WDFY2: variants seen among roughly 807,000 people sequenced by gnomAD.
The protein encoded by WDFY2 is WD repeat and FYVE domain containing 2.
In WDFY2, 36 loss-of-function variants were observed where a neutral mutation model predicts 56.4. The ratio of observed to expected loss-of-function variants is 0.64; its 90% CI spans 0.49 to 0.84. The LOEUF (loss-of-function observed/expected upper bound fraction) is 0.84, where lower values mean the gene tolerates loss of function less well. WDFY2 is among the 40% of genes least tolerant of loss of function. The pLI, the probability that WDFY2 is intolerant of heterozygous loss-of-function variation, is 0.00. For synonymous variants in WDFY2, 176 were observed against 183.7 expected (o/e 0.96, Z 0.34); for missense variants, 444 against 512.2 (o/e 0.87, Z 1.29).
rs59739988 is a variant in WDFY2, at chr13:51,704,597, C to T, written c.334+947C>T. 9.3e-3 allele frequency among the ~76,000 whole-genome samples: 1,420 copies of T among 152,292 alleles called. 27 individuals are homozygous for T. The highest frequency in any genetic ancestry group is 0.032 in the African/African-American group (1,319 of 41,572). ...TGACAATCTTTCAGTTATTTTAAAA[C>T]AGCAGTGAAAGTTTCTGCCCCTTCC... is the stretch of plus-strand genomic sequence containing the variant. On this transcript the variant is annotated intron_variant, in intron 4 of 11. Coordinates refer to ENST00000298125, the MANE Select transcript of WDFY2 (RefSeq NM_052950.4).
intron 3 of WDFY2, among the ~76,000 whole-genome samples, chr13:51,696,122 C>T (rs866152049): frequency 3.0e-4 from 46 of 152,326 alleles, no homozygotes; most frequent in Admixed American, 1.3e-3. Flanking sequence ...TGACCCCTTG[C>T]GCTTCCCGAG....
chr13:51,723,308 CTCCTTGAT>C (rs1450752281), intron 5 of WDFY2, among the ~76,000 whole-genome samples: 1 of 152,170 alleles, frequency 6.6e-6, no homozygotes, highest in Non-Finnish European at 1.5e-5. Flanking sequence ...ACTCTTTGAT[CTCCTTGAT>C]ATTGTTGAAT....
At chr13:51,678,274 G>C (rs1191763217) in intron 3 of WDFY2, among the ~76,000 whole-genome samples, 1 of 152,138 alleles carries the variant, frequency 6.6e-6, no homozygotes. Context: ...TGAAGAGTTG[G>C]CCAGTCCTTT....
intron 4 of WDFY2, among the ~76,000 whole-genome samples, chr13:51,709,638 C>T (rs1350080931): frequency 6.6e-6 from 1 of 152,166 alleles, no homozygotes; most frequent in East Asian, 1.9e-4. Context: ...AAACTACCAT[C>T]AGAGAATACT....
At chr13:51,688,677 G>C (rs927492948) in intron 3 of WDFY2, among the ~76,000 whole-genome samples, 2 of 152,102 alleles carry the variant, frequency 1.3e-5, no homozygotes, top group African/African-American at 4.8e-5. Context: ...TCTTTCACCA[G>C]CAGCTTTCCT....
At chr13:51,653,970 C>T (rs1237337014) in intron 1 of WDFY2, among the ~76,000 whole-genome samples, 2 of 152,220 alleles carry the variant, frequency 1.3e-5, no homozygotes, top group Non-Finnish European at 2.9e-5. Flanking sequence ...GAGGTTTCTG[C>T]TGCCTTTTGT....
chr13:51,636,279 G>A (rs749743394), intron 1 of WDFY2, among the ~76,000 whole-genome samples: 1 of 152,090 alleles, frequency 6.6e-6, no homozygotes, highest in South Asian at 2.1e-4. Flanking sequence ...TTGTAAACAC[G>A]CTTCAGACTA....
intron 4 of WDFY2, among the ~76,000 whole-genome samples, chr13:51,709,240 A>G (rs1003305671): frequency 6.6e-6 from 1 of 152,224 alleles, no homozygotes; most frequent in African/African-American, 2.4e-5. Context: ...GTGGAGAAAT[A>G]TTTATCAAGA....
chr13:51,724,150 C>T (rs1407561400), intron 5 of WDFY2, among the ~76,000 whole-genome samples: 2 of 150,986 alleles, frequency 1.3e-5, no homozygotes, highest in Non-Finnish European at 1.5e-5. Flanking sequence ...CAATAAACTG[C>T]CATCTTTTTA....
intron 3 of WDFY2, among the ~76,000 whole-genome samples, chr13:51,675,628 T>A (rs777920414): frequency 6.6e-6 from 1 of 152,246 alleles, no homozygotes; most frequent in Non-Finnish European, 1.5e-5. Context: ...TGCTTTCCCT[T>A]ATGTCTGCAT....
intron 2 of WDFY2, among the ~76,000 whole-genome samples, chr13:51,666,017 C>A (rs1169837945): frequency 6.6e-6 from 1 of 152,132 alleles, no homozygotes; most frequent in Non-Finnish European, 1.5e-5. Flanking sequence ...TGTGGTTGGG[C>A]CGCTCAGTTT....
At chr13:51,703,485 A>G (rs980682041) in intron 3 of WDFY2, 111 bp from the exon 4 acceptor site, 2 of 757,600 alleles carry the variant, frequency 2.6e-6, no homozygotes, top group Non-Finnish European at 4.3e-6. Context: ...CAAAATACTA[A>G]TGTTGGATGT....
intron 1 of WDFY2, among the ~76,000 whole-genome samples, chr13:51,610,240 G>GT (rs375729454): frequency 0.029 from 3,058 of 106,814 alleles, 92 homozygotes; most frequent in Admixed American, 0.11. Flanking sequence ...TTATTTGACT[G>GT]TTTTTTTTTT....
chr13:51,767,563 C>CTT lies in WDFY2; in HGVS notation c.*7797_*7798dup, dbSNP rs1346618919. On this transcript the variant is annotated 3_prime_UTR_variant, in exon 12 of 12. Coordinates refer to ENST00000298125, the MANE Select transcript of WDFY2 (RefSeq NM_052950.4). ...AATCTGCTCATTGGTTTTATTACAA[C>CTT]TTTTCCTGGAGTCACTAAGAGGTAA... 6 of 152,676 alleles carry CTT rather than the reference C, an allele frequency of 3.9e-5. No individual in the cohort carries two copies. The highest frequency in any genetic ancestry group is 1.4e-4 in the African/African-American group (6 of 41,422). The allele number at this position is 152,676 out of a possible 1,614,324, so 9.5% of individuals were successfully genotyped here. A position where few individuals can be genotyped will look rare whatever the true frequency, so the allele number is the denominator to read the frequency against.
chr13:51,648,063 G>A (rs1194272590), intron 1 of WDFY2, among the ~76,000 whole-genome samples: 1 of 152,202 alleles, frequency 6.6e-6, no homozygotes, highest in East Asian at 1.9e-4. Flanking sequence ...TGGCTACTGT[G>A]CTGAGTGCTG....
chr13:51,634,276 T>C lies in WDFY2; in HGVS notation c.138-26320T>C, dbSNP rs1025110798. ...AAGCCCTAGAAGTGTTTTTTTTTTT[T>C]CAGAAGTAGTGGATGAAAATCTTAC... is the stretch of plus-strand genomic sequence containing the variant. On this transcript the variant is annotated intron_variant, in intron 1 of 11. Coordinates refer to ENST00000298125, the MANE Select transcript of WDFY2 (RefSeq NM_052950.4). Among the ~76,000 whole-genome samples the C allele has an allele frequency of 3.3e-5, 5 of 152,152 alleles. No homozygotes were observed. In the East Asian group the frequency reaches 5.8e-4, roughly 18 times the overall value.
At position 51,748,459 on chromosome 13, in the gene WDFY2, T is replaced by G. The variant is rs561505531; in HGVS notation, c.726-2851T>G. On this transcript the variant is annotated intron_variant, in intron 7 of 11. Transcript: ENST00000298125. The stretch of plus-strand genomic sequence containing the variant: ...CGAGCTTTATTTCTAACAAGAGTTG[T>G]CAAGGGAATTTTAAGTAGGGTAAGA... Among the ~76,000 whole-genome samples the G allele has an allele frequency of 2.6e-4, 39 of 152,344 alleles. 1 individual carries two copies. In the South Asian group the frequency reaches 7.9e-3, roughly 31 times the overall value.
At chr13:51,667,991 A>G (rs1245926475) in intron 2 of WDFY2, among the ~76,000 whole-genome samples, 1 of 138,508 alleles carries the variant, frequency 7.2e-6, no homozygotes, top group East Asian at 2.1e-4. Flanking sequence ...TCCAGGGTTC[A>G]CGCCGTTCTC....
rs1411704136 is a variant in WDFY2 at position 51,678,068 on chromosome 13, T to C, written c.279+2825T>C. 7.9e-5 allele frequency among the ~76,000 whole-genome samples: 12 copies of C among 152,338 alleles called. No homozygotes were observed. In the South Asian group the frequency reaches 1.9e-3, roughly 24 times the overall value. ...GCTCTGCCATCTTGGTCTACAAAGTTTTAATTATCTTCCCCACCTCATTAA... is the reference window on the plus strand; with the variant it reads ...GCTCTGCCATCTTGGTCTACAAAGTCTTAATTATCTTCCCCACCTCATTAA... On this transcript the variant is annotated intron_variant, in intron 3 of 11. Transcript: ENST00000298125.
Sources: allele counts gnomAD v4.1 joint callset (sites outside exome capture counted in the v4.1 genomes callset), GRCh38; gene constraint gnomAD v4.1.1; transcripts MANE v1.5; gene names NCBI Gene and HGNC (gene_info 2026-07-23, HGNC 2026-07-21).